The following TBC1D15 variants were observed in gnomAD, a reference collection of about 807,000 sequenced individuals.
TBC1D15 encodes GAP for RAB7.
TBC1D15 carries 39 observed loss-of-function variants against 95.4 expected under a neutral mutation model. The observed-to-expected ratio is 0.41, with a 90% CI of 0.32 to 0.53. The LOEUF is 0.53. Ranked by LOEUF, TBC1D15 falls within the 20% of genes least tolerant of loss-of-function variation. TBC1D15 has a pLI of 0.29. For missense variants in TBC1D15, 733 were observed against 794.3 expected (o/e 0.92, Z 0.93); for synonymous variants, 258 against 261.3 (o/e 0.99, Z 0.12).
intron 12 of TBC1D15, among the ~76,000 whole-genome samples, chr12:71,914,853 A>G (rs921300458): frequency 1.3e-5 from 2 of 151,892 alleles, no homozygotes; most frequent in Admixed American, 1.3e-4. Context: ...CTTTACTTCT[A>G]TTCTTTCCCT....
intron 1 of TBC1D15, among the ~76,000 whole-genome samples, chr12:71,852,880 C>T (rs917605645): frequency 6.6e-6 from 1 of 152,166 alleles, no homozygotes; most frequent in Non-Finnish European, 1.5e-5. Flanking sequence ...TCCAAACTTT[C>T]CCTCATCTTC....
chr12:71,857,682 C>A (rs1565954887), intron 1 of TBC1D15, among the ~76,000 whole-genome samples: 1 of 152,114 alleles, frequency 6.6e-6, no homozygotes, highest in Non-Finnish European at 1.5e-5. Flanking sequence ...TCACTTAGAA[C>A]ATTTATTCTT....
intron 5 of TBC1D15, among the ~76,000 whole-genome samples, chr12:71,890,334 G>T (rs1040575309): frequency 2.0e-5 from 3 of 152,188 alleles, no homozygotes; most frequent in African/African-American, 7.2e-5. Context: ...AGACCACAAA[G>T]AAGAGTAGTC....
intron 14 of TBC1D15, among the ~76,000 whole-genome samples, chr12:71,918,993 A>G (rs1868307443): frequency 6.6e-6 from 1 of 152,056 alleles, no homozygotes; most frequent in Non-Finnish European, 1.5e-5. Context: ...TACATAGGTA[A>G]ATTGCATGTT....
chr12:71,843,626 C>T (rs1019523206), intron 1 of TBC1D15, among the ~76,000 whole-genome samples: 3 of 152,060 alleles, frequency 2.0e-5, no homozygotes, highest in African/African-American at 7.2e-5. Flanking sequence ...GGTGGTTAAA[C>T]ACAGACTTGT....
intron 1 of TBC1D15, among the ~76,000 whole-genome samples, chr12:71,858,823 T>C (rs1039119291): frequency 4.9e-4 from 75 of 152,106 alleles, no homozygotes; most frequent in African/African-American, 1.6e-3. Flanking sequence ...TCCCAAAGTG[T>C]TGGGATTACA....
chr12:71,864,666 C>A (rs1891102782), intron 1 of TBC1D15, among the ~76,000 whole-genome samples: 1 of 152,040 alleles, frequency 6.6e-6, no homozygotes, highest in South Asian at 2.1e-4. Context: ...GCCACCATGC[C>A]CGCCTAATTT....
intron 11 of TBC1D15, among the ~76,000 whole-genome samples, chr12:71,911,382 A>G (rs914168517): frequency 3.8e-4 from 58 of 152,130 alleles, no homozygotes; most frequent in Non-Finnish European, 4.9e-4. Flanking sequence ...CCAAATGTCC[A>G]ATAATGATAG....
chr12:71,911,944 A>C (rs1316991302), intron 11 of TBC1D15, among the ~76,000 whole-genome samples: 4 of 152,176 alleles, frequency 2.6e-5, no homozygotes, highest in Non-Finnish European at 5.9e-5. Flanking sequence ...ATTTTTATTC[A>C]TTATAACTTA....
chr12:71,908,826 T>C (rs963237106), intron 11 of TBC1D15, among the ~76,000 whole-genome samples: 74 of 152,194 alleles, frequency 4.9e-4, no homozygotes, highest in African/African-American at 1.6e-3. Flanking sequence ...GTTATTTTGA[T>C]TCAGAGTGTG....
intron 4 of TBC1D15, among the ~76,000 whole-genome samples, chr12:71,882,655 A>G (rs1193574572): frequency 1.3e-5 from 2 of 152,188 alleles, no homozygotes; most frequent in African/African-American, 4.8e-5. Context: ...TTGCAGCAGA[A>G]TGCTTTGCAG....
chr12:71,874,446 A>G (rs1195053012), intron 3 of TBC1D15, among the ~76,000 whole-genome samples: 4 of 152,066 alleles, frequency 2.6e-5, no homozygotes, highest in Non-Finnish European at 2.9e-5. Flanking sequence ...TACTTGGTGC[A>G]CAGCAAATTC....
Position 71,897,893 on chromosome 12 carries a change from G to C in TBC1D15, c.1135G>C (p.Glu379Gln), listed in dbSNP as rs1171810121. The C allele has an allele frequency of 6.2e-7, 1 of 1,612,590 alleles. No individual in the cohort carries two copies. The highest frequency in any genetic ancestry group is 8.5e-7 in the Non-Finnish European group (1 of 1,179,116). ...ACTGCAGTGGAAATCCATCAGCCAG[G>C]AACAAGAGAAAAGAAATTCGAGGTT... ...MKLQWKSISQ[E>Q]QEKRNSRLRD... The change falls in exon 10 of 17, where the codon GAA becomes CAA. Residue 379 changes from glutamate (E) to glutamine (Q), a missense_variant. Transcript: ENST00000485960.
At chr12:71,851,586 A>G (rs891818652) in intron 1 of TBC1D15, among the ~76,000 whole-genome samples, 2 of 152,222 alleles carry the variant, frequency 1.3e-5, no homozygotes, top group African/African-American at 4.8e-5. Context: ...CCAAGATTCA[A>G]TGGGGTTATA....
chr12:71,906,249 T>C (rs1476349336), intron 10 of TBC1D15, among the ~76,000 whole-genome samples: 1 of 152,234 alleles, frequency 6.6e-6, no homozygotes, highest in Non-Finnish European at 1.5e-5. Flanking sequence ...GTTATCACTT[T>C]TAAACAATTG....
intron 2 of TBC1D15, 148 bp downstream of exon 2, chr12:71,872,316 A>G (rs1472835657): frequency 2.1e-6 from 1 of 486,332 alleles, no homozygotes; most frequent in Non-Finnish European, 3.7e-6. Context: ...ATGATGTAAT[A>G]GTCAAACACA....
At chr12:71,849,392 G>C in intron 1 of TBC1D15, 1 of 1,390,548 alleles carries the variant, frequency 7.2e-7, no homozygotes. Flanking sequence ...CTCCAGCTGA[G>C]CCACTTCCCA....
intron 4 of TBC1D15, among the ~76,000 whole-genome samples, chr12:71,884,339 C>T (rs573242697): frequency 8.7e-4 from 133 of 152,170 alleles, no homozygotes; most frequent in Non-Finnish European, 6.2e-4. Flanking sequence ...TGAGAATTTT[C>T]GGTATACTTG....
At chr12:71,915,460 A>C (rs552128050) in intron 12 of TBC1D15, among the ~76,000 whole-genome samples, 1 of 151,878 alleles carries the variant, frequency 6.6e-6, no homozygotes, top group East Asian at 1.9e-4. Context: ...AAAAAAAAAA[A>C]AAAAACACAA....
Sources: allele counts gnomAD v4.1 joint callset (sites outside exome capture counted in the v4.1 genomes callset), GRCh38; gene constraint gnomAD v4.1.1; transcripts MANE v1.5; gene names NCBI Gene and HGNC (gene_info 2026-07-23, HGNC 2026-07-21).